Variants in KIAA1328 observed in about 807,000 individuals in gnomAD.
KIAA1328 encodes KIAA1328, also known as protein hinderin.
In KIAA1328, 52 loss-of-function variants were observed where a neutral mutation model predicts 68.1. That is an observed-to-expected ratio of 0.76 (90% CI 0.61 to 0.96). KIAA1328 has a LOEUF of 0.96. KIAA1328 is among the 40% of genes least tolerant of loss of function. The pLI, the probability that KIAA1328 is intolerant of heterozygous loss-of-function variation, is 0.00. For synonymous variants in KIAA1328, 232 were observed against 239.4 expected (o/e 0.97, Z 0.28); for missense variants, 641 against 677.6 (o/e 0.95, Z 0.60).
intron 6 of KIAA1328, among the ~76,000 whole-genome samples, chr18:37,036,661 C>T (rs1599042186): frequency 6.6e-6 from 1 of 152,310 alleles, no homozygotes; most frequent in Admixed American, 6.5e-5. Context: ...ATTGCCTGGG[C>T]TGTCCTCCTA....
At chr18:37,165,670 CA>C in intron 8 of KIAA1328, among the ~76,000 whole-genome samples, 1 of 150,548 alleles carries the variant, frequency 6.6e-6, no homozygotes, top group Non-Finnish European at 1.5e-5. Context: ...CGGCTCACCA[CA>C]ACCTCTGCCT....
intron 4 of KIAA1328, among the ~76,000 whole-genome samples, chr18:36,851,037 G>C (rs1303073425): frequency 1.3e-5 from 2 of 151,984 alleles, no homozygotes; most frequent in African/African-American, 4.8e-5. Flanking sequence ...TTTAGATTTT[G>C]TCAAAAGCTT....
intron 5 of KIAA1328, among the ~76,000 whole-genome samples, chr18:36,926,324 G>C: frequency 6.6e-6 from 1 of 152,032 alleles, no homozygotes; most frequent in Non-Finnish European, 1.5e-5. Context: ...TTATTAATGG[G>C]AAAGAGGAAA....
chr18:37,040,661 T>A (rs559840512), intron 6 of KIAA1328, among the ~76,000 whole-genome samples: 1 of 151,976 alleles, frequency 6.6e-6, no homozygotes. Context: ...TTGACTTAAA[T>A]CTTTTTTTTT....
At chr18:37,189,036 A>G (rs1347185525) in intron 9 of KIAA1328, among the ~76,000 whole-genome samples, 2 of 152,182 alleles carry the variant, frequency 1.3e-5, no homozygotes, top group East Asian at 1.9e-4. Context: ...TGTTGGCAAA[A>G]GCTGCTATTA....
At chr18:37,132,499 A>G (rs769179944) in intron 7 of KIAA1328, among the ~76,000 whole-genome samples, 6 of 152,226 alleles carry the variant, frequency 3.9e-5, no homozygotes, top group African/African-American at 4.8e-5. Flanking sequence ...CATCTATTGC[A>G]TGGGCAGAAG....
intron 9 of KIAA1328, among the ~76,000 whole-genome samples, chr18:37,174,671 A>G (rs1599509081): frequency 2.0e-5 from 3 of 150,410 alleles, no homozygotes; most frequent in Non-Finnish European, 4.4e-5. Context: ...TTGGCTCACT[A>G]CAAGCTCCAC....
chr18:36,932,307 C>T (rs939230837), intron 5 of KIAA1328, among the ~76,000 whole-genome samples: 3 of 152,182 alleles, frequency 2.0e-5, no homozygotes, highest in African/African-American at 7.2e-5. Flanking sequence ...ATTGCAGCCT[C>T]GACCTCCCTG....
intron 8 of KIAA1328, 133 bp downstream of exon 8, chr18:37,160,514 G>A: frequency 1.4e-6 from 1 of 696,880 alleles, no homozygotes. Context: ...TGCCTGCAAG[G>A]CCACAGGTAA....
chr18:36,905,647 G>A (rs968988722), intron 5 of KIAA1328, among the ~76,000 whole-genome samples: 1 of 152,090 alleles, frequency 6.6e-6, no homozygotes, highest in Non-Finnish European at 1.5e-5. Flanking sequence ...TTCTACCAAT[G>A]AACTGAGTTA....
At chr18:37,177,048 C>A (rs946154856) in intron 9 of KIAA1328, among the ~76,000 whole-genome samples, 1 of 152,168 alleles carries the variant, frequency 6.6e-6, no homozygotes, top group African/African-American at 2.4e-5. Context: ...TCTAATTGTA[C>A]TTGATGTATG....
At chr18:36,840,838 G>C (rs1332290846) in intron 3 of KIAA1328, among the ~76,000 whole-genome samples, 1 of 152,094 alleles carries the variant, frequency 6.6e-6, no homozygotes, top group Non-Finnish European at 1.5e-5. Context: ...TGGTAATTAG[G>C]TCAGTTCAAG....
At chr18:36,872,133 C>T (rs1451282490) in intron 4 of KIAA1328, among the ~76,000 whole-genome samples, 2 of 152,028 alleles carry the variant, frequency 1.3e-5, no homozygotes, top group African/African-American at 4.8e-5. Flanking sequence ...TTAGGATACT[C>T]GTAAAAATCA....
chr18:36,873,786 C>T (rs1484000959), intron 4 of KIAA1328, among the ~76,000 whole-genome samples: 1 of 151,986 alleles, frequency 6.6e-6, no homozygotes, highest in Non-Finnish European at 1.5e-5. Flanking sequence ...TTTGCTGCAC[C>T]CATCAACCCA....
intron 4 of KIAA1328, among the ~76,000 whole-genome samples, chr18:36,873,995 T>C (rs1271501804): frequency 6.6e-6 from 1 of 152,240 alleles, no homozygotes; most frequent in Non-Finnish European, 1.5e-5. Flanking sequence ...GCTTCATCCA[T>C]GTCCCTGCAA....
intron 5 of KIAA1328, chr18:36,954,394 A>G (rs981336968): frequency 6.6e-6 from 1 of 152,190 alleles, no homozygotes; most frequent in African/African-American, 2.4e-5. Flanking sequence ...ATTTCATGCA[A>G]TTGGACATAC....
At chr18:37,146,245 C>G (rs893451025) in intron 7 of KIAA1328, among the ~76,000 whole-genome samples, 1 of 152,068 alleles carries the variant, frequency 6.6e-6, no homozygotes, top group African/African-American at 2.4e-5. Context: ...TCCTCCCGTC[C>G]TGCACCCTCA....
intron 4 of KIAA1328, among the ~76,000 whole-genome samples, chr18:36,860,739 A>G (rs1259238974): frequency 1.3e-5 from 2 of 152,194 alleles, no homozygotes; most frequent in African/African-American, 2.4e-5. Flanking sequence ...TTGTAAAAAT[A>G]TCACAGGGTG....
intron 6 of KIAA1328, among the ~76,000 whole-genome samples, chr18:36,994,323 T>C (rs1161053030): frequency 2.6e-5 from 4 of 152,242 alleles, no homozygotes; most frequent in Non-Finnish European, 5.9e-5. Flanking sequence ...TATTTTTCTT[T>C]GATATTTGAA....
Sources: allele counts gnomAD v4.1 joint callset (sites outside exome capture counted in the v4.1 genomes callset), GRCh38; gene constraint gnomAD v4.1.1; transcripts MANE v1.5; gene names NCBI Gene and HGNC (gene_info 2026-07-23, HGNC 2026-07-21).